The following SLC45A4 variants were observed in gnomAD, a reference collection of about 807,000 sequenced individuals.
SLC45A4 encodes the protein solute carrier family 45 member 4, also known as polyamine-transporter SLC45A4.
A neutral mutation model predicts 63.7 loss-of-function variants in SLC45A4; 32 were observed. The observed-to-expected ratio is 0.50, with a 90% CI of 0.38 to 0.67. SLC45A4 has a LOEUF of 0.67. Among genes scored for constraint, SLC45A4 ranks in the 30% least tolerant of loss-of-function variants. SLC45A4 has a pLI of 0.00. For missense variants in SLC45A4, 1,027 were observed against 1,157.7 expected (o/e 0.89, Z 1.64); for synonymous variants, 535 against 510.0 (o/e 1.05, Z -0.66).
At chr8:141,252,117 T>A (rs927827952) in intron 2 of SLC45A4, among the ~76,000 whole-genome samples, 1 of 151,584 alleles carries the variant, frequency 6.6e-6, no homozygotes, top group East Asian at 1.9e-4. Flanking sequence ...AATTCTAGAA[T>A]AAAACGGATG....
chr8:141,290,848 GT>G (rs1235763272), intron 1 of SLC45A4, among the ~76,000 whole-genome samples: 2 of 152,170 alleles, frequency 1.3e-5, no homozygotes, highest in African/African-American at 4.8e-5. Context: ...CACCTAAATT[GT>G]TTTGTTTTGT....
At position 141,218,350 on chromosome 8, in the gene SLC45A4, G is replaced by C; in HGVS notation, c.1290C>G (p.Tyr430Ter). 6.2e-7 allele frequency: 1 copy of C among 1,608,184 alleles called. No individual in the cohort carries two copies. Among genetic ancestry groups the C allele is most frequent in the Non-Finnish European group, 8.5e-7 (1 of 1,179,828 alleles). ...RRQASSTFSY[Y>*]GKLGSHCYRY... ...GGTAGCAGTGGGACCCAAGCTTGCC[G>C]TAGTAGGAGAAGGTGCTGGAGGCCT... The change falls in exon 5 of 9, where the codon TAC (tyrosine) becomes TAG (stop). Residue 430 changes from tyrosine (Y) to a stop codon, truncating the protein, a stop_gained. Coordinates refer to ENST00000517878, the MANE Select transcript of SLC45A4 (RefSeq NM_001286646.2). LOFTEE classifies it high-confidence loss of function.
rs1294813648 is a variant in SLC45A4, at chr8:141,207,951, G to A, written c.*3621C>T. 2 of 152,380 alleles carry A rather than the reference G, an allele frequency of 1.3e-5. No individual in the cohort carries two copies. Among genetic ancestry groups the A allele is most frequent in the African/African-American group, 4.8e-5 (2 of 41,454 alleles). 9.4% of individuals were successfully genotyped at this position (152,380 alleles called of 1,614,324 possible). ...CCCCCCCAGGAGCTCTCGGAAGCAGGGGTCCCTCACGACAGGCCTGTGGCA... is the reference window on the plus strand; with the variant it reads ...CCCCCCCAGGAGCTCTCGGAAGCAGAGGTCCCTCACGACAGGCCTGTGGCA... On this transcript the variant is annotated 3_prime_UTR_variant, in exon 9 of 9. Transcript: ENST00000517878.
In SLC45A4 at chr8:141,253,999, C is replaced by T; in HGVS notation, c.231G>A (p.Leu77=). 6.5e-7 allele frequency: 1 copy of T among 1,536,126 alleles called. No individual in the cohort carries two copies. The highest frequency in any genetic ancestry group is 8.7e-7 in the Non-Finnish European group (1 of 1,146,862). The change falls in exon 2 of 9, where the codon CTG becomes CTA. Residue 77 remains leucine (L), a synonymous_variant. Transcript: ENST00000517878. ...AMETALVTPI[L]LQIGLPEQYY... is the part of the protein sequence containing the mutation. ...GGGGAGGAGACTTACCAATCTGCAACAGTATTGGTGTGACCAGAGCGGTTT... is the reference window on the plus strand; with the variant it reads ...GGGGAGGAGACTTACCAATCTGCAATAGTATTGGTGTGACCAGAGCGGTTT...
At chr8:141,232,861 C>G (rs1024531655) in intron 2 of SLC45A4, among the ~76,000 whole-genome samples, 1 of 152,226 alleles carries the variant, frequency 6.6e-6, no homozygotes, top group African/African-American at 2.4e-5. Flanking sequence ...TGAACGCTCA[C>G]GACCAGCTTG....
chr8:141,269,161 C>T (rs927516772), intron 1 of SLC45A4, among the ~76,000 whole-genome samples: 4 of 152,260 alleles, frequency 2.6e-5, no homozygotes, highest in African/African-American at 4.8e-5. Flanking sequence ...GCTGCGCTGT[C>T]ACCCTGGCGG....
intron 2 of SLC45A4, chr8:141,226,935 T>A (rs1035781283): frequency 2.0e-5 from 3 of 152,202 alleles, no homozygotes; most frequent in African/African-American, 7.2e-5. Flanking sequence ...TAAACACTTT[T>A]CATCGTATCT....
At position 141,215,749 on chromosome 8, in the gene SLC45A4, G is replaced by A. The variant is rs1463953309; in HGVS notation, c.1941+10C>T. ...CTGGAGCGCAGATCTCAGGGCTACG[G>A]TGGACGCACCTGCTTGATGTCATGG... On this transcript the variant is annotated intron_variant, in intron 7 of 8. Transcript: ENST00000517878. The surrounding 1 kb of genome is among the most constrained non-coding windows in gnomAD (Gnocchi z 4.3). 6.2e-7 allele frequency: 1 copy of A among 1,612,176 alleles called. No homozygotes were observed. The highest frequency in any genetic ancestry group is 1.7e-5 in the Admixed American group (1 of 60,026).
chr8:141,271,968 A>G lies in SLC45A4; in HGVS notation c.-400-17339T>C, dbSNP rs188773560. Among the ~76,000 whole-genome samples, 336 of 151,824 alleles carry G rather than the reference A, an allele frequency of 2.2e-3. 3 individuals are homozygous for G. Among genetic ancestry groups the G allele is most frequent in the African/African-American group, 7.3e-3 (303 of 41,264 alleles). On this transcript the variant is annotated intron_variant, in intron 1 of 8. Coordinates refer to ENST00000517878, the MANE Select transcript of SLC45A4 (RefSeq NM_001286646.2). Reference sequence around the variant, plus strand: ...ACATGCACTCACACGTGTGCAACACACCTGCGTACACACATGCACCCATAC... The same window carrying G: ...ACATGCACTCACACGTGTGCAACACGCCTGCGTACACACATGCACCCATAC...
At chr8:141,273,181 CCTT>C (rs1259802207) in intron 1 of SLC45A4, among the ~76,000 whole-genome samples, 2 of 152,318 alleles carry the variant, frequency 1.3e-5, no homozygotes, top group East Asian at 3.9e-4. Flanking sequence ...TGCTCATCTC[CCTT>C]CTTACCTGTA....
chr8:141,247,260 A>AATGG (rs1555572353), intron 2 of SLC45A4, among the ~76,000 whole-genome samples: 1 of 151,510 alleles, frequency 6.6e-6, no homozygotes, highest in Non-Finnish European at 1.5e-5. Context: ...AAAATCACTT[A>AATGG]TACTACTCTA....
At chr8:141,214,499 G>A (rs1403261823) in intron 7 of SLC45A4, among the ~76,000 whole-genome samples, 1 of 152,160 alleles carries the variant, frequency 6.6e-6, no homozygotes, top group Non-Finnish European at 1.5e-5. Context: ...GTCACACTTA[G>A]GGATAGGAAG....
Position 141,243,185 on chromosome 8 carries a change from G to A in SLC45A4, c.241+10804C>T, listed in dbSNP as rs183444162. ...AGAAAGTCAGGGGGACCCCATGTCT[G>A]CCTTCTGTGTCCCAAGACACTGCAT... On this transcript the variant is annotated intron_variant, in intron 2 of 8. Coordinates refer to ENST00000517878, the MANE Select transcript of SLC45A4 (RefSeq NM_001286646.2). Among the ~76,000 whole-genome samples the A allele has an allele frequency of 3.1e-3, 471 of 152,334 alleles. 2 individuals carry two copies. The highest frequency in any genetic ancestry group is 0.011 in the African/African-American group (443 of 41,576).
chr8:141,282,015 G>A (rs555403199), intron 1 of SLC45A4, among the ~76,000 whole-genome samples: 3 of 152,326 alleles, frequency 2.0e-5, no homozygotes, highest in East Asian at 1.9e-4. Context: ...GCAAGGACAC[G>A]GGTCAGCCAT....
chr8:141,274,107 T>C (rs1416047054), intron 1 of SLC45A4, among the ~76,000 whole-genome samples: 2 of 152,162 alleles, frequency 1.3e-5, no homozygotes, highest in Admixed American at 6.5e-5. Context: ...CAGGCGCCGA[T>C]AGTCCCAGCT....
intron 2 of SLC45A4, chr8:141,225,140 C>T (rs1420050351): frequency 6.6e-6 from 1 of 152,172 alleles, no homozygotes; most frequent in Non-Finnish European, 1.5e-5. Flanking sequence ...GTGGGTCAGC[C>T]TCCACTGCTG....
At chr8:141,271,261 C>A (rs916849572) in intron 1 of SLC45A4, among the ~76,000 whole-genome samples, 1 of 152,206 alleles carries the variant, frequency 6.6e-6, no homozygotes, top group East Asian at 1.9e-4. Context: ...CTGTAGGATG[C>A]TGGTGGCAAG....
At chr8:141,282,488 C>T (rs1430718256) in intron 1 of SLC45A4, among the ~76,000 whole-genome samples, 7 of 152,218 alleles carry the variant, frequency 4.6e-5, no homozygotes, top group Admixed American at 1.3e-4. Context: ...CCCTCCAGGC[C>T]GCCGCTCAGG....
At chr8:141,296,704 C>T (rs1210381939) in intron 1 of SLC45A4, among the ~76,000 whole-genome samples, 7 of 149,554 alleles carry the variant, frequency 4.7e-5, no homozygotes, top group South Asian at 2.1e-4. Context: ...GGTGTGGTGG[C>T]GCACACCTGT....
Sources: gnomAD v4.1 joint callset for allele counts (sites outside exome capture counted in the v4.1 genomes callset) on GRCh38, gnomAD v4.1.1 for gene constraint, Gnocchi (gnomAD v3.1) non-coding constraint, MANE v1.5 for transcripts, NCBI Gene and HGNC (gene_info 2026-07-23, HGNC 2026-07-21) for gene names.